The following TLK2 variants were observed in gnomAD, a reference collection of about 807,000 sequenced individuals.
TLK2 encodes tousled like kinase 2.
A neutral mutation model predicts 117.3 loss-of-function variants in TLK2; 6 were observed. That is an observed-to-expected ratio of 0.05 (90% CI 0.03 to 0.10). The LOEUF (loss-of-function observed/expected upper bound fraction) is 0.10, where lower values mean the gene tolerates loss of function less well. Ranked by LOEUF, TLK2 falls within the 10% of genes least tolerant of loss-of-function variation. The pLI is 1.00. For synonymous variants in TLK2, 257 were observed against 316.7 expected (o/e 0.81, Z 2.00); for missense variants, 299 against 901.2 (o/e 0.33, Z 8.56).
chr17:62,599,334 A>G (rs540061686), intron 17 of TLK2, among the ~76,000 whole-genome samples: 11 of 152,212 alleles, frequency 7.2e-5, no homozygotes, highest in Non-Finnish European at 1.2e-4. Flanking sequence ...TCCATGTTCA[A>G]TTGCAGTGCT....
At chr17:62,603,644 C>A (rs1395326554) in intron 19 of TLK2, among the ~76,000 whole-genome samples, 2 of 151,938 alleles carry the variant, frequency 1.3e-5, no homozygotes, top group African/African-American at 4.8e-5. Flanking sequence ...AGGGATTTTG[C>A]TTCAAAGTAG....
intron 2 of TLK2, among the ~76,000 whole-genome samples, chr17:62,491,485 C>T (rs1351068329): frequency 6.6e-6 from 1 of 152,070 alleles, no homozygotes; most frequent in Non-Finnish European, 1.5e-5. Flanking sequence ...TAGGTTCCTC[C>T]TGGTGGTATG....
At chr17:62,589,990 G>A (rs1403602104) in intron 16 of TLK2, among the ~76,000 whole-genome samples, 2 of 151,234 alleles carry the variant, frequency 1.3e-5, no homozygotes, top group Non-Finnish European at 3.0e-5. Flanking sequence ...TGTATTTTTA[G>A]TAGAGACGGG....
In TLK2 at chr17:62,593,003, C is replaced by T. The variant is rs147349204; in HGVS notation, c.1461-3582C>T. Among the ~76,000 whole-genome samples the T allele has an allele frequency of 2.2e-3, 328 of 152,230 alleles. 2 individuals are homozygous for T. Among genetic ancestry groups the T allele is most frequent in the Non-Finnish European group, 2.4e-3 (165 of 68,022 alleles). ...GATCTGACAGGACGTGGAGCTCAGG[C>T]GGTCATGCGAGCTATGGGGAGCAGC... On this transcript the variant is annotated intron_variant, in intron 16 of 21. Transcript: ENST00000346027.
intron 2 of TLK2, among the ~76,000 whole-genome samples, chr17:62,507,743 C>A (rs1001247597): frequency 2.0e-5 from 3 of 152,040 alleles, no homozygotes; most frequent in African/African-American, 4.8e-5. Context: ...TTTATATGAG[C>A]CTCCTTCGTG....
intron 6 of TLK2, among the ~76,000 whole-genome samples, chr17:62,524,796 CATT>C (rs1174314934): frequency 6.6e-6 from 1 of 152,180 alleles, no homozygotes; most frequent in Non-Finnish European, 1.5e-5. Flanking sequence ...GTCTTAAAAA[CATT>C]ATACCTAAGT....
chr17:62,549,078 T>C (rs2078179561), intron 7 of TLK2, among the ~76,000 whole-genome samples: 1 of 149,738 alleles, frequency 6.7e-6, no homozygotes, highest in Non-Finnish European at 1.5e-5. Flanking sequence ...ATAAATATAG[T>C]TCAGACAGTC....
chr17:62,549,861 G>C (rs1477710485), intron 7 of TLK2: 1 of 148,100 alleles, frequency 6.8e-6, no homozygotes, highest in Non-Finnish European at 1.5e-5. Context: ...GTAGAGATGA[G>C]ATTTCACCAT....
chr17:62,576,372 A>C (rs998474423), intron 12 of TLK2, among the ~76,000 whole-genome samples: 34 of 152,222 alleles, frequency 2.2e-4, no homozygotes, highest in African/African-American at 8.2e-4. Flanking sequence ...CCTCTAAAAA[A>C]TTTTTAGAGA....
At chr17:62,514,466 T>A (rs945826510) in intron 2 of TLK2, among the ~76,000 whole-genome samples, 24 of 147,454 alleles carry the variant, frequency 1.6e-4, no homozygotes, top group Middle Eastern at 3.2e-3. Context: ...AAAAAAAAAA[T>A]TTGGATAAAC....
intron 21 of TLK2, among the ~76,000 whole-genome samples, chr17:62,609,750 T>C (rs2083592944): frequency 6.6e-6 from 1 of 152,226 alleles, no homozygotes; most frequent in African/African-American, 2.4e-5. Context: ...CTGTGTAACT[T>C]TAGGCAAGTT....
At chr17:62,533,078 T>A (rs1473869323) in intron 6 of TLK2, among the ~76,000 whole-genome samples, 7 of 152,070 alleles carry the variant, frequency 4.6e-5, no homozygotes, top group Non-Finnish European at 8.8e-5. Context: ...TTTTAATGCT[T>A]GTTCAGGTCC....
At chr17:62,574,356 G>A (rs1188014103) in intron 12 of TLK2, 10 of 1,549,678 alleles carry the variant, frequency 6.5e-6, no homozygotes, top group Non-Finnish European at 7.8e-6. Context: ...CCCTCTTCTG[G>A]GAATACAGAG....
intron 1 of TLK2, among the ~76,000 whole-genome samples, chr17:62,480,437 A>G (rs2071499438): frequency 6.6e-6 from 1 of 152,250 alleles, no homozygotes; most frequent in Non-Finnish European, 1.5e-5. Context: ...GCAGATGTCC[A>G]GAATCAAGAG....
intron 2 of TLK2, among the ~76,000 whole-genome samples, chr17:62,482,062 C>T (rs1819109503): frequency 6.6e-6 from 1 of 151,998 alleles, no homozygotes. Context: ...GATTCTCCTG[C>T]CTCAGCCTCC....
chr17:62,491,432 T>G (rs1218484415), intron 2 of TLK2, among the ~76,000 whole-genome samples: 1 of 152,158 alleles, frequency 6.6e-6, no homozygotes, highest in Non-Finnish European at 1.5e-5. Flanking sequence ...TAATTTGACT[T>G]AGTTCTATTC....
intron 10 of TLK2, 62 bp from the exon 11 acceptor site, chr17:62,564,939 A>G: frequency 6.5e-7 from 1 of 1,542,366 alleles, no homozygotes; most frequent in Admixed American, 2.2e-5. Flanking sequence ...TTTAGTTTCT[A>G]AGAAGTGTCT....
rs1301336840 is a variant in TLK2, at chr17:62,596,689, G to A, written c.1550+15G>A. 6.2e-7 allele frequency: 1 copy of A among 1,603,954 alleles called. No homozygotes were observed. Among genetic ancestry groups the A allele is most frequent in the Non-Finnish European group, 8.5e-7 (1 of 1,171,090 alleles). ...GATACTGACTCGTAAGTGCTGTGCT[G>A]TTTTACCTTAACAGTTATATTATTT... On this transcript the variant is annotated intron_variant, in intron 17 of 21. Transcript: ENST00000346027.
intron 16 of TLK2, among the ~76,000 whole-genome samples, chr17:62,593,394 CT>C (rs754371748): frequency 2.1e-4 from 32 of 152,224 alleles, no homozygotes; most frequent in Middle Eastern, 6.8e-3. Context: ...AACATTTTTG[CT>C]GTAGAAACTG....
Sources: gnomAD v4.1 joint callset for allele counts (sites outside exome capture counted in the v4.1 genomes callset) on GRCh38, gnomAD v4.1.1 for gene constraint, MANE v1.5 for transcripts, NCBI Gene and HGNC (gene_info 2026-07-23, HGNC 2026-07-21) for gene names.